Variants in NDUFB5 observed in about 807,000 individuals in gnomAD.
NDUFB5 encodes NADH dehydrogenase [ubiquinone] 1 beta subcomplex subunit 5, mitochondrial.
In NDUFB5, 19 loss-of-function variants were observed where a neutral mutation model predicts 19.4. That is an observed-to-expected ratio of 0.98 (90% CI 0.68 to 1.43). The LOEUF (loss-of-function observed/expected upper bound fraction) is 1.43. Among genes scored for constraint, NDUFB5 ranks in the 40% most tolerant of loss-of-function variants. NDUFB5 has a pLI of 0.00. For synonymous variants in NDUFB5, 80 were observed against 82.6 expected (o/e 0.97, Z 0.17); for missense variants, 233 against 236.5 (o/e 0.99, Z 0.10).
chr3:179,624,175 A>G lies in NDUFB5; in HGVS notation c.*135A>G. On this transcript the variant is annotated 3_prime_UTR_variant, in exon 6 of 6. Transcript: ENST00000259037. Reference sequence around the variant, plus strand: ...TGTCTCTCAGTGTTGGTTCAGATTGAGGCTTTTGTTTGAGGAGTTTGGCTT... The same window carrying G: ...TGTCTCTCAGTGTTGGTTCAGATTGGGGCTTTTGTTTGAGGAGTTTGGCTT... 1 of 800,424 alleles carries G rather than the reference A, an allele frequency of 1.2e-6. No individual in the cohort carries two copies. The highest frequency in any genetic ancestry group is 1.8e-6 in the Non-Finnish European group (1 of 552,922). The allele number at this position is 800,424 out of a possible 1,614,324, so 49.6% of individuals were successfully genotyped here. A position where few individuals can be genotyped will look rare whatever the true frequency, so the allele number is the denominator to read the frequency against.
rs1388366839 is a variant in NDUFB5, at chr3:179,627,397, G to T, written c.*3357G>T. 1 of 152,176 alleles carries T rather than the reference G, an allele frequency of 6.6e-6. No individual in the cohort carries two copies. Among genetic ancestry groups the T allele is most frequent in the Non-Finnish European group, 1.5e-5 (1 of 68,026 alleles). The allele number at this position is 152,176 out of a possible 1,614,324, so 9.4% of individuals were successfully genotyped here. ...GTTTCCCTAGCTGTGCAGCTGCAAG[G>T]TCACTAGACAGATAAACTCAAGTCG... On this transcript the variant is annotated 3_prime_UTR_variant, in exon 6 of 6. Transcript: ENST00000259037.
chr3:179,610,638 C>T (rs1397265249), intron 1 of NDUFB5, among the ~76,000 whole-genome samples: 1 of 152,160 alleles, frequency 6.6e-6, no homozygotes, highest in African/African-American at 2.4e-5. Flanking sequence ...CTACAAATTC[C>T]TATAGCCTCA....
At chr3:179,618,691 G>A (rs1427241768) in intron 5 of NDUFB5, among the ~76,000 whole-genome samples, 170 bp downstream of exon 5, 1 of 152,046 alleles carries the variant, frequency 6.6e-6, no homozygotes, top group Non-Finnish European at 1.5e-5. Flanking sequence ...CACTTTGGGA[G>A]GCTACAGAAA....
At position 179,615,034 on chromosome 3, in the gene NDUFB5, A is replaced by G; in HGVS notation, c.188A>G (p.Tyr63Cys). The G allele has an allele frequency of 6.2e-7, 1 of 1,607,282 alleles. No individual in the cohort carries two copies. The highest frequency in any genetic ancestry group is 2.2e-5 in the East Asian group (1 of 44,748). ...TTTGTCATCAGACCTTCTAGATTCT[A>G]TGACAGGCGTTTTTTGAAGTTATTG... is the stretch of plus-strand genomic sequence containing the variant. ...RLFVIRPSRF[Y>C]DRRFLKLLRF... The change falls in exon 2 of 6, where the codon TAT (tyrosine) becomes TGT (cysteine). Residue 63 changes from tyrosine to cysteine, a missense_variant. By Grantham distance (194) the Tyr-to-Cys change is radical (BLOSUM62 -2). Transcript: ENST00000259037.
intron 5 of NDUFB5, among the ~76,000 whole-genome samples, chr3:179,619,551 TA>T (rs1309761450): frequency 6.6e-6 from 1 of 152,222 alleles, no homozygotes; most frequent in African/African-American, 2.4e-5. Context: ...TATGGCTGCA[TA>T]GTATTCCATG....
At chr3:179,623,151 A>G (rs1719580486) in intron 5 of NDUFB5, among the ~76,000 whole-genome samples, 1 of 152,226 alleles carries the variant, frequency 6.6e-6, no homozygotes. Context: ...CCTAATGGTG[A>G]TAGGCAGACA....
intron 2 of NDUFB5, chr3:179,615,494 T>C (rs1243124154): frequency 4.7e-6 from 2 of 426,142 alleles, no homozygotes; most frequent in African/African-American, 4.0e-5. Context: ...AGTGCAATCT[T>C]AATTTAGCAA....
chr3:179,606,037 C>T (rs932651115), intron 1 of NDUFB5, among the ~76,000 whole-genome samples: 7 of 152,080 alleles, frequency 4.6e-5, no homozygotes, highest in African/African-American at 1.7e-4. Context: ...AATGATCCGC[C>T]CACCTCAGCC....
At chr3:179,623,276 A>G (rs185756915) in intron 5 of NDUFB5, among the ~76,000 whole-genome samples, 2 of 152,228 alleles carry the variant, frequency 1.3e-5, no homozygotes, top group Non-Finnish European at 2.9e-5. Flanking sequence ...CTAAAAGGTG[A>G]GAAGATAGGA....
chr3:179,609,798 A>T (rs1719191593), intron 1 of NDUFB5, among the ~76,000 whole-genome samples: 1 of 151,948 alleles, frequency 6.6e-6, no homozygotes, highest in African/African-American at 2.4e-5. Flanking sequence ...AGCTATTCTG[A>T]TGGGTATGTG....
rs944204839 is a variant in NDUFB5 at position 179,625,637 on chromosome 3, A to G, written c.*1597A>G. 6.6e-6 allele frequency: 1 copy of G among 150,940 alleles called. No homozygotes were observed. The highest frequency in any genetic ancestry group is 1.5e-5 in the Non-Finnish European group (1 of 67,902). The allele number at this position is 150,940 out of a possible 1,614,324, so 9.4% of individuals were successfully genotyped here. A position where few individuals can be genotyped will look rare whatever the true frequency, so the allele number is the denominator to read the frequency against. ...TTTACCTACTGTACTATCAAATACT[A>G]GAACTTATTCCTTGTATCTAAATGT... On this transcript the variant is annotated 3_prime_UTR_variant, in exon 6 of 6. Transcript: ENST00000259037.
chr3:179,613,774 A>C (rs1719307968), intron 1 of NDUFB5, among the ~76,000 whole-genome samples: 1 of 152,236 alleles, frequency 6.6e-6, no homozygotes, highest in Admixed American at 6.5e-5. Flanking sequence ...AAAATTAAGA[A>C]GATAGTTCCT....
chr3:179,609,168 A>G (rs1254406358), intron 1 of NDUFB5, among the ~76,000 whole-genome samples: 1 of 152,210 alleles, frequency 6.6e-6, no homozygotes, highest in Non-Finnish European at 1.5e-5. Flanking sequence ...GTTTCTGTGA[A>G]CATGGATATA....
At chr3:179,607,033 T>C (rs1719121034) in intron 1 of NDUFB5, among the ~76,000 whole-genome samples, 1 of 152,216 alleles carries the variant, frequency 6.6e-6, no homozygotes, top group South Asian at 2.1e-4. Context: ...CTCGCTCTGG[T>C]AGTATTCAAT....
At position 179,625,948 on chromosome 3, in the gene NDUFB5, T is replaced by C. The variant is rs986765762; in HGVS notation, c.*1908T>C. ...CCATTTATCTGTTGATGGACACAGG[T>C]TGCAAAGGGATTGCTGGATTGTATG... On this transcript the variant is annotated 3_prime_UTR_variant, in exon 6 of 6. Coordinates refer to ENST00000259037, the MANE Select transcript of NDUFB5 (RefSeq NM_002492.4). The C allele has an allele frequency of 6.6e-6, 1 of 152,232 alleles. No homozygotes were observed. Among genetic ancestry groups the C allele is most frequent in the African/African-American group, 2.4e-5 (1 of 41,462 alleles). 9.4% of individuals were successfully genotyped at this position (152,232 alleles called of 1,614,324 possible). A position where few individuals can be genotyped will look rare whatever the true frequency, so the allele number is the denominator to read the frequency against.
At chr3:179,615,393 C>T (rs1023203573) in intron 2 of NDUFB5, 13 of 256,590 alleles carry the variant, frequency 5.1e-5, no homozygotes, top group Non-Finnish European at 9.5e-5. Flanking sequence ...GAAAGACTTG[C>T]TTAAATAAAG....
chr3:179,609,158 G>A (rs1719177234), intron 1 of NDUFB5, among the ~76,000 whole-genome samples: 1 of 152,170 alleles, frequency 6.6e-6, no homozygotes, highest in Non-Finnish European at 1.5e-5. Context: ...TGTGAATAAT[G>A]TTTCTGTGAA....
chr3:179,618,845 C>T (rs185045329), intron 5 of NDUFB5, among the ~76,000 whole-genome samples: 157 of 151,338 alleles, frequency 1.0e-3, no homozygotes, highest in African/African-American at 3.7e-3. Context: ...TGTGAGACTC[C>T]GTCTCCAAAG....
At chr3:179,617,634 C>T (rs1719417683) in intron 4 of NDUFB5, among the ~76,000 whole-genome samples, 2 of 152,146 alleles carry the variant, frequency 1.3e-5, no homozygotes, top group Non-Finnish European at 1.5e-5. Flanking sequence ...TTAGGAGAGA[C>T]TTCACCAATG....
Sources: gnomAD v4.1 joint callset for allele counts (sites outside exome capture counted in the v4.1 genomes callset) on GRCh38, gnomAD v4.1.1 for gene constraint, MANE v1.5 for transcripts, NCBI Gene and HGNC (gene_info 2026-07-23, HGNC 2026-07-21) for gene names.